The following ABHD16A variants were observed in gnomAD, a reference collection of about 807,000 sequenced individuals.
ABHD16A encodes the protein phosphatidylserine lipase ABHD16A.
A neutral mutation model predicts 89.8 loss-of-function variants in ABHD16A; 47 were observed. The ratio of observed to expected loss-of-function variants is 0.52; its 90% CI spans 0.41 to 0.67. The LOEUF is 0.67. Ranked by LOEUF, ABHD16A falls within the 30% of genes least tolerant of loss-of-function variation. The pLI is 0.00. For missense variants in ABHD16A, 580 were observed against 734.6 expected, an observed-to-expected ratio of 0.79 and a Z score of 2.43; for synonymous variants, 251 against 280.4, an observed-to-expected ratio of 0.90 and a Z score of 1.05.
chr6:31,700,945 G>C lies in ABHD16A; in HGVS notation c.340C>G (p.Arg114Gly). 1 of 1,612,828 alleles carries C rather than the reference G, an allele frequency of 6.2e-7. No individual in the cohort carries two copies. Among genetic ancestry groups the C allele is most frequent in the Non-Finnish European group, 8.5e-7 (1 of 1,179,060 alleles). ...LLLLAGVACL[R>G]GIGRWTNPQY... Reference sequence around the variant, plus strand: ...ACCAGGTTTCCTCTCCACCTACCTCGGAGGCAGGCCACACCTGCCAGAAGT... The same window carrying C: ...ACCAGGTTTCCTCTCCACCTACCTCCGAGGCAGGCCACACCTGCCAGAAGT... Residue 114 changes from arginine (R) to glycine (G), a missense_variant, in exon 4 of 20, where the codon CGA becomes GGA. Arg to Gly is a moderately radical substitution (Grantham distance 125). Around this residue, in one of 2 missense-constraint regions of ABHD16A, gnomAD observed 165 missense variants for 165.8 expected, o/e 1.00. Coordinates refer to ENST00000395952, the MANE Select transcript of ABHD16A (RefSeq NM_021160.3).
chr6:31,691,206 G>C (rs1247539139), intron 9 of ABHD16A, among the ~76,000 whole-genome samples: 3 of 152,122 alleles, frequency 2.0e-5, no homozygotes, highest in African/African-American at 7.2e-5. Context: ...GTGAGGTCCA[G>C]GAAAGGTTTT....
chr6:31,696,850 C>T (rs1451314702), intron 5 of ABHD16A, 98 bp downstream of exon 5: 2 of 1,216,124 alleles, frequency 1.6e-6, no homozygotes, highest in African/African-American at 1.5e-5. Context: ...GTAAAACACA[C>T]CTCCTCTTCC....
intron 5 of ABHD16A, among the ~76,000 whole-genome samples, chr6:31,695,202 C>G (rs555819893): frequency 6.6e-6 from 1 of 152,218 alleles, no homozygotes; most frequent in South Asian, 2.1e-4. Context: ...AAAGCCCATC[C>G]TCAAAGATAA....
intron 5 of ABHD16A, among the ~76,000 whole-genome samples, chr6:31,694,385 G>GTTTTTTTT (rs1562107423): frequency 2.5e-5 from 2 of 79,478 alleles, no homozygotes; most frequent in Non-Finnish European, 4.4e-5. Flanking sequence ...TGGGAGCTGT[G>GTTTTTTTT]TCTTTTTTTT....
chr6:31,701,518 A>G (rs2295663), intron 2 of ABHD16A, among the ~76,000 whole-genome samples, 178 bp from the exon 3 acceptor site: 7,305 of 152,292 alleles, frequency 0.048, 325 homozygotes, highest in East Asian at 0.21. Flanking sequence ...TAGTGTGTCA[A>G]TGTAATGGAG....
intron 2 of ABHD16A, 102 bp from the exon 3 acceptor site, chr6:31,701,442 G>A (rs922912862): frequency 1.1e-6 from 1 of 939,336 alleles, no homozygotes; most frequent in Non-Finnish European, 1.7e-6. Flanking sequence ...ACAACCTGAG[G>A]GATATCATAT....
chr6:31,697,002 C>A lies in ABHD16A; in HGVS notation c.375G>T (p.Arg125=), dbSNP rs1211754808. The change falls in exon 5 of 20, where the codon CGG becomes CGT. Residue 125 remains arginine, a synonymous_variant. Coordinates refer to ENST00000395952, the MANE Select transcript of ABHD16A (RefSeq NM_021160.3). ...GIGRWTNPQY[R]QFITILEATH... is the part of the protein sequence containing the mutation. ...TTGCTTCCAAGATGGTGATGAACTG[C>A]CGGTACTGGGGGTTGGTCCAGCGGC... 2 of 1,612,912 alleles carry A rather than the reference C, an allele frequency of 1.2e-6. No homozygotes were observed. The highest frequency in any genetic ancestry group is 1.7e-6 in the Non-Finnish European group (2 of 1,180,016).
chr6:31,699,910 A>AT (rs1353229258), intron 4 of ABHD16A, among the ~76,000 whole-genome samples: 1 of 150,846 alleles, frequency 6.6e-6, no homozygotes, highest in African/African-American at 2.4e-5. Flanking sequence ...TACCTGGCTA[A>AT]TTTTTTTTTG....
chr6:31,687,964 C>T lies in ABHD16A; in HGVS notation c.1371-64G>A. 6.2e-7 allele frequency: 1 copy of T among 1,612,126 alleles called. No homozygotes were observed. The highest frequency in any genetic ancestry group is 8.5e-7 in the Non-Finnish European group (1 of 1,179,422). On this transcript the variant is annotated intron_variant, in intron 16 of 19. Coordinates refer to ENST00000395952, the MANE Select transcript of ABHD16A (RefSeq NM_021160.3). The surrounding 1 kb of genome is among the most constrained non-coding windows in gnomAD (Gnocchi z 6.3). ...TTTTCATTCACCATCCCTGAACCTT[C>T]CTCCCTCCTTCCCTGTGCTGGTATC...
At chr6:31,701,420 T>C in intron 2 of ABHD16A, 80 bp from the exon 3 acceptor site, 1 of 1,225,926 alleles carries the variant, frequency 8.2e-7, no homozygotes, top group Non-Finnish European at 1.2e-6. Flanking sequence ...CTATACACTC[T>C]GAGCAAGATG....
At chr6:31,695,611 T>C (rs2151242475) in intron 5 of ABHD16A, among the ~76,000 whole-genome samples, 1 of 151,974 alleles carries the variant, frequency 6.6e-6, no homozygotes, top group South Asian at 2.1e-4. Context: ...TAATCCCAGC[T>C]ACTTGGGAGG....
chr6:31,687,687 G>A lies in ABHD16A; in HGVS notation c.1501C>T (p.Arg501Cys), dbSNP rs1392448237. 12 of 1,612,744 alleles carry A rather than the reference G, an allele frequency of 7.4e-6. No individual in the cohort carries two copies. Among genetic ancestry groups the A allele is most frequent in the East Asian group, 2.2e-5 (1 of 44,886 alleles). ...VEEDWCLSVL[R>C]SYQAEHGPDF... ...GGCCCGTGTTCTGCCTGGTAGGAGC[G>A]GAGGACAGACAGACACCAGTCCTCT... The change falls in exon 18 of 20, where the codon CGC (arginine) becomes TGC (cysteine). Residue 501 changes from arginine (R) to cysteine (C), a missense_variant. Physicochemically the swap from Arg to Cys is radical, Grantham distance 180. Around this residue, in one of 2 missense-constraint regions of ABHD16A, gnomAD observed 415 missense variants for 568.8 expected, o/e 0.73. Coordinates refer to ENST00000395952, the MANE Select transcript of ABHD16A (RefSeq NM_021160.3). The surrounding 1 kb of genome is among the most constrained non-coding windows in gnomAD (Gnocchi z 6.3).
intron 4 of ABHD16A, among the ~76,000 whole-genome samples, chr6:31,700,526 A>G (rs1343339246): frequency 6.6e-6 from 1 of 152,196 alleles, no homozygotes; most frequent in African/African-American, 2.4e-5. Flanking sequence ...TTGTACATCT[A>G]TATTGTTTAT....
Position 31,688,392 on chromosome 6 carries a change from CT to C in ABHD16A, c.1251-88del. The C allele has an allele frequency of 7.4e-7, 1 of 1,351,534 alleles. No homozygotes were observed. Among genetic ancestry groups the C allele is most frequent in the Non-Finnish European group, 1.1e-6 (1 of 946,668 alleles). 83.7% of individuals were successfully genotyped at this position (1,351,534 alleles called of 1,614,324 possible). A position where few individuals can be genotyped will look rare whatever the true frequency, so the allele number is the denominator to read the frequency against. On this transcript the variant is annotated intron_variant, in intron 14 of 19. Coordinates refer to ENST00000395952, the MANE Select transcript of ABHD16A (RefSeq NM_021160.3). The surrounding 1 kb of genome is among the most constrained non-coding windows in gnomAD (Gnocchi z 4.9). ...CCCCTATCCCTGCACTGGTAGCATT[CT>C]TACCCTCCCCTTGCTATAGCACAGC... is the stretch of plus-strand genomic sequence containing the variant.
In ABHD16A at chr6:31,703,262, C is replaced by A; in HGVS notation, c.20G>T (p.Cys7Phe). 7.3e-7 allele frequency: 1 copy of A among 1,367,030 alleles called. No individual in the cohort carries two copies. The highest frequency in any genetic ancestry group is 9.6e-7 in the Non-Finnish European group (1 of 1,047,008). 84.7% of individuals were successfully genotyped at this position (1,367,030 alleles called of 1,614,324 possible). The change falls in exon 1 of 20, where the codon TGC becomes TTC. Residue 7 changes from cysteine (C) to phenylalanine (F), a missense_variant. This residue lies in a region of ABHD16A where 165 missense variants were observed against 165.8 expected (regional missense o/e 1.00). Coordinates refer to ENST00000395952, the MANE Select transcript of ABHD16A (RefSeq NM_021160.3). Reference protein sequence around the residue: MAKLLSCVLGPRLYKIY... With the variant: MAKLLSFVLGPRLYKIY... The stretch of plus-strand genomic sequence containing the variant: ...TTTGTAGAGCCGGGGGCCTAGGACG[C>A]AGCTCAGCAGCTTCGCCATGGCCCC...
In ABHD16A at chr6:31,689,661, A is replaced by G; in HGVS notation, c.1001T>C (p.Val334Ala). The change falls in exon 12 of 20, where the codon GTG becomes GCG. Residue 334 changes from valine (V) to alanine (A), a missense_variant. Physicochemically the swap from Val to Ala is moderately conservative, Grantham distance 64. This residue lies in a region of ABHD16A where 415 missense variants were observed against 568.8 expected (regional missense o/e 0.73). Coordinates refer to ENST00000395952, the MANE Select transcript of ABHD16A (RefSeq NM_021160.3). The part of the protein sequence containing the change: ...PQNEANAMDV[V>A]VQFAIHRLGF... ...TAGGCGGTGGATGGCAAACTGGACCACCACATCCATGGCATTAGCCTCATT... is the reference window on the plus strand; with the variant it reads ...TAGGCGGTGGATGGCAAACTGGACCGCCACATCCATGGCATTAGCCTCATT... 6.2e-7 allele frequency: 1 copy of G among 1,612,718 alleles called. No homozygotes were observed. The highest frequency in any genetic ancestry group is 8.5e-7 in the Non-Finnish European group (1 of 1,179,840).
chr6:31,693,009 C>G lies in ABHD16A; in HGVS notation c.626+18G>C. On this transcript the variant is annotated intron_variant, in intron 7 of 19. Transcript: ENST00000395952. This position sits in a 1 kb window ranked among gnomAD's most constrained non-coding sequence, Gnocchi z 5.0. ...GCCCCTCCACCCCAGTGGGCCTCTC[C>G]TCGCTGCTGTTTCCCACCTGGTGAT... is the stretch of plus-strand genomic sequence containing the variant. 6.2e-7 allele frequency: 1 copy of G among 1,614,244 alleles called. No individual in the cohort carries two copies. The highest frequency in any genetic ancestry group is 1.1e-5 in the South Asian group (1 of 91,088).
Position 31,693,003 on chromosome 6 carries a change from C to A in ABHD16A, c.626+24G>T. 1 of 1,614,228 alleles carries A rather than the reference C, an allele frequency of 6.2e-7. No homozygotes were observed. Among genetic ancestry groups the A allele is most frequent in the Non-Finnish European group, 8.5e-7 (1 of 1,180,048 alleles). On this transcript the variant is annotated intron_variant, in intron 7 of 19. Coordinates refer to ENST00000395952, the MANE Select transcript of ABHD16A (RefSeq NM_021160.3). This position sits in a 1 kb window ranked among gnomAD's most constrained non-coding sequence, Gnocchi z 5.0. The stretch of plus-strand genomic sequence containing the variant: ...GAAATGGCCCCTCCACCCCAGTGGG[C>A]CTCTCCTCGCTGCTGTTTCCCACCT...
chr6:31,700,454 T>G (rs937880818), intron 4 of ABHD16A, among the ~76,000 whole-genome samples: 2 of 152,214 alleles, frequency 1.3e-5, no homozygotes, highest in Non-Finnish European at 2.9e-5. Flanking sequence ...ATCCTACTAT[T>G]TGTAGCCACT....
Sources: gnomAD v4.1 joint callset for allele counts (sites outside exome capture counted in the v4.1 genomes callset) on GRCh38, gnomAD v4.1.1 for gene constraint, gnomAD v4.1.1 regional missense constraint, Gnocchi (gnomAD v3.1) non-coding constraint, MANE v1.5 for transcripts, NCBI Gene and HGNC (gene_info 2026-07-23, HGNC 2026-07-21) for gene names.